Variants in MOGAT3 observed in about 807,000 individuals in gnomAD.
The protein encoded by MOGAT3 is 2-acylglycerol O-acyltransferase 3.
Under a neutral mutation model 34.4 loss-of-function variants are expected in MOGAT3, and 39 were observed. The ratio of observed to expected loss-of-function variants is 1.13; its 90% CI spans 0.88 to 1.48. MOGAT3 has a LOEUF of 1.48. Ranked by LOEUF, MOGAT3 falls within the 40% of genes most tolerant of loss-of-function variation. The pLI, the probability that MOGAT3 is intolerant of heterozygous loss-of-function variation, is 0.00. For missense variants in MOGAT3, 439 were observed against 438.9 expected, an observed-to-expected ratio of 1.00 and a Z score of 0.00; for synonymous variants, 209 against 179.2, an observed-to-expected ratio of 1.17 and a Z score of -1.33.
At chr7:101,198,902 C>G (rs926941293) in intron 3 of MOGAT3, 72 bp from the exon 4 acceptor site, 2 of 1,378,188 alleles carry the variant, frequency 1.5e-6, no homozygotes, top group African/African-American at 1.4e-5. Context: ...GCCCTCCACC[C>G]CAACAGAGTT....
chr7:101,194,293 T>C (rs1562881019), downstream of MOGAT3, among the ~76,000 whole-genome samples: 2 of 152,026 alleles, frequency 1.3e-5, no homozygotes, highest in African/African-American at 4.8e-5. Flanking sequence ...GTTCAAGCAA[T>C]TCTCCTGCCT....
Position 101,198,290 on chromosome 7 carries a change from ATGATGACCACG to A in MOGAT3, c.558_568del (p.Val187GlyfsTer46). 1 of 1,606,938 alleles carries A rather than the reference ATGATGACCACG, an allele frequency of 6.2e-7. No individual in the cohort carries two copies. The highest frequency in any genetic ancestry group is 8.5e-7 in the Non-Finnish European group (1 of 1,176,068). ...CAGGGCCTCGTGCGCACCCCCCACC[ATGATGACCACG>A]GCCTGCCCGAGCTGGGGCTGGGACA... On this transcript the variant is annotated frameshift_variant, in exon 5 of 7. Coordinates refer to ENST00000223114, the MANE Select transcript of MOGAT3 (RefSeq NM_178176.4). LOFTEE classifies it high-confidence loss of function.
In MOGAT3 at chr7:101,198,280, A is replaced by AC; in HGVS notation, c.578dup (p.Ala194CysfsTer43). 6.2e-7 allele frequency: 1 copy of AC among 1,608,660 alleles called. No homozygotes were observed. Among genetic ancestry groups the AC allele is most frequent in the African/African-American group, 1.3e-5 (1 of 74,812 alleles). Reference sequence around the variant, plus strand: ...GGACTGAATACAGGGCCTCGTGCGCACCCCCCACCATGATGACCACGGCCT... The same window carrying AC: ...GGACTGAATACAGGGCCTCGTGCGCACCCCCCCACCATGATGACCACGGCCT... On this transcript the variant is annotated frameshift_variant, in exon 5 of 7. Coordinates refer to ENST00000223114, the MANE Select transcript of MOGAT3 (RefSeq NM_178176.4). LOFTEE classifies it high-confidence loss of function.
In MOGAT3 at chr7:101,198,816, T is replaced by C. The variant is rs779601172; in HGVS notation, c.303A>G (p.Ala101=). The change falls in exon 4 of 7, where the codon GCA becomes GCG. Residue 101 remains alanine, a synonymous_variant. Transcript: ENST00000223114. The stretch of plus-strand genomic sequence containing the variant: ...CGTAGTTCCGATCCGGGGGCAGCTC[T>C]GCTGTTTTCACCAGCTTCGGGGTGT... ...DYYPVKLVKT[A]ELPPDRNYVL... The C allele has an allele frequency of 6.2e-7, 1 of 1,613,924 alleles. No individual in the cohort carries two copies.
rs1284815699 is a variant in MOGAT3, at chr7:101,200,830, G to T, written c.25C>A (p.Pro9Thr). The T allele has an allele frequency of 6.2e-7, 1 of 1,614,076 alleles. No homozygotes were observed. Among genetic ancestry groups the T allele is most frequent in the Non-Finnish European group, 8.5e-7 (1 of 1,179,982 alleles). The change falls in exon 1 of 7, where the codon CCC becomes ACC. Residue 9 changes from proline to threonine, a missense_variant. Coordinates refer to ENST00000223114, the MANE Select transcript of MOGAT3 (RefSeq NM_178176.4). MGVATTLQ[P>T]PTTSKTLQKQ... ...TGCAAGGTTTTGGAAGTGGTTGGGG[G>T]CTGCAGGGTTGTGGCAACTCCCATT... is the stretch of plus-strand genomic sequence containing the variant.
intron 3 of MOGAT3, among the ~76,000 whole-genome samples, chr7:101,199,089 G>A (rs1278584210): frequency 6.9e-6 from 1 of 144,308 alleles, no homozygotes; most frequent in Non-Finnish European, 1.5e-5. Flanking sequence ...TGCAACCTCC[G>A]CCTCTTGGTC....
In MOGAT3 at chr7:101,198,607, C is replaced by T; in HGVS notation, c.493+19G>A. Reference sequence around the variant, plus strand: ...TGGTCAGGAGTCTCCTCCCGTTCTCCTCCTCCCATTCGGCTCACCAAAGGA... The same window carrying T: ...TGGTCAGGAGTCTCCTCCCGTTCTCTTCCTCCCATTCGGCTCACCAAAGGA... On this transcript the variant is annotated intron_variant, in intron 4 of 6. Transcript: ENST00000223114. 6.2e-7 allele frequency: 1 copy of T among 1,609,922 alleles called. No individual in the cohort carries two copies. Among genetic ancestry groups the T allele is most frequent in the Admixed American group, 1.7e-5 (1 of 59,958 alleles).
intron 3 of MOGAT3, among the ~76,000 whole-genome samples, chr7:101,199,264 C>G (rs1252096701): frequency 6.6e-6 from 1 of 152,092 alleles, no homozygotes; most frequent in Non-Finnish European, 1.5e-5. Context: ...CCTTGGCCTC[C>G]CACAGTGCTG....
chr7:101,192,994 C>A (rs1262937395), downstream of MOGAT3, among the ~76,000 whole-genome samples: 3 of 152,144 alleles, frequency 2.0e-5, no homozygotes, highest in South Asian at 2.1e-4. Flanking sequence ...AGGAGAATGG[C>A]GTGAACCCGG....
chr7:101,200,159 C>T, intron 3 of MOGAT3, 75 bp downstream of exon 3: 3 of 1,307,672 alleles, frequency 2.3e-6, no homozygotes, highest in Non-Finnish European at 3.3e-6. Context: ...GGCCCCAGCA[C>T]AAGGAAGGGC....
At chr7:101,196,694 C>T (rs749773983) in intron 5 of MOGAT3, among the ~76,000 whole-genome samples, 1 of 152,056 alleles carries the variant, frequency 6.6e-6, no homozygotes, top group South Asian at 2.1e-4. Flanking sequence ...CATGGTGAAA[C>T]CCCCGTCTCT....
rs1797786712 is a variant in MOGAT3, at chr7:101,196,348, A to T, written c.710T>A (p.Ile237Asn). 1 of 1,613,742 alleles carries T rather than the reference A, an allele frequency of 6.2e-7. No homozygotes were observed. Among genetic ancestry groups the T allele is most frequent in the Admixed American group, 1.7e-5 (1 of 59,942 alleles). ...VPVYSFGEND[I>N]FRLKAFATGS... ...TGTGGCAAAAGCCTTAAGTCTAAAGATGTCATTCTCCCCAAAGGAGTACAC... is the reference window on the plus strand; with the variant it reads ...TGTGGCAAAAGCCTTAAGTCTAAAGTTGTCATTCTCCCCAAAGGAGTACAC... The change falls in exon 6 of 7, where the codon ATC (isoleucine) becomes AAC (asparagine). Residue 237 changes from isoleucine to asparagine, a missense_variant. By Grantham distance (149) the Ile-to-Asn change is moderately radical. Coordinates refer to ENST00000223114, the MANE Select transcript of MOGAT3 (RefSeq NM_178176.4).
chr7:101,194,337 A>AC (rs1392812261), downstream of MOGAT3, among the ~76,000 whole-genome samples: 1 of 151,604 alleles, frequency 6.6e-6, no homozygotes, highest in East Asian at 1.9e-4. Context: ...ACAGGAGAGC[A>AC]CCACCACGCC....
At chr7:101,197,487 C>A (rs1016968954) in intron 5 of MOGAT3, among the ~76,000 whole-genome samples, 23 of 152,132 alleles carry the variant, frequency 1.5e-4, no homozygotes, top group African/African-American at 5.6e-4. Flanking sequence ...CACGCCCAGC[C>A]GGGACTCACA....
At chr7:101,196,851 A>G (rs940445798) in intron 5 of MOGAT3, among the ~76,000 whole-genome samples, 3 of 152,160 alleles carry the variant, frequency 2.0e-5, no homozygotes, top group African/African-American at 7.2e-5. Context: ...TCTGGGTGAC[A>G]GAGTGAGACT....
chr7:101,198,945 GC>G, intron 3 of MOGAT3, 115 bp from the exon 4 acceptor site: 1 of 848,406 alleles, frequency 1.2e-6, no homozygotes, highest in African/African-American at 1.7e-5. Context: ...AGGGTCAAGG[GC>G]CACCCCAGCA....
downstream of MOGAT3, among the ~76,000 whole-genome samples, chr7:101,194,017 C>T (rs911436157): frequency 4.0e-5 from 6 of 151,610 alleles, no homozygotes; most frequent in Admixed American, 2.6e-4. Context: ...CTGTTTGAGA[C>T]GGGTCTCGCT....
chr7:101,199,611 C>T (rs1408785013), intron 3 of MOGAT3, among the ~76,000 whole-genome samples: 3 of 116,768 alleles, frequency 2.6e-5, no homozygotes, highest in Non-Finnish European at 3.4e-5. Flanking sequence ...CCACCACAAC[C>T]GCCTTTTTTT....
In MOGAT3 at chr7:101,200,690, C is replaced by T. The variant is rs1022651940; in HGVS notation, c.109+56G>A. 4.1e-5 allele frequency: 62 copies of T among 1,502,022 alleles called. No homozygotes were observed. In the African/African-American group the frequency reaches 8.4e-4, roughly 20 times the overall value. The allele number at this position is 1,502,022 out of a possible 1,614,324, so 93.0% of individuals were successfully genotyped here. A position where few individuals can be genotyped will look rare whatever the true frequency, so the allele number is the denominator to read the frequency against. Reference sequence around the variant, plus strand: ...CAAGCCAGCAGCCCAGCCACTCTCCCTCCAAGCCCTACTCCCCTGGCAGAC... The same window carrying T: ...CAAGCCAGCAGCCCAGCCACTCTCCTTCCAAGCCCTACTCCCCTGGCAGAC... On this transcript the variant is annotated intron_variant, in intron 1 of 6. Coordinates refer to ENST00000223114, the MANE Select transcript of MOGAT3 (RefSeq NM_178176.4).
Sources: allele counts gnomAD v4.1 joint callset (sites outside exome capture counted in the v4.1 genomes callset), GRCh38; gene constraint gnomAD v4.1.1; transcripts MANE v1.5; gene names NCBI Gene and HGNC (gene_info 2026-07-23, HGNC 2026-07-21).